PCLO: variants seen among roughly 807,000 people sequenced by gnomAD.
PCLO encodes the protein piccolo presynaptic cytomatrix protein.
PCLO carries 82 observed loss-of-function variants against 427.5 expected under a neutral mutation model. The ratio of observed to expected loss-of-function variants is 0.19; its 90% CI spans 0.16 to 0.23. The LOEUF (loss-of-function observed/expected upper bound fraction) is 0.23. Among genes scored for constraint, PCLO ranks in the 10% least tolerant of loss-of-function variants. The probability of loss-of-function intolerance (pLI) is 1.00; values close to 1 mark genes in which losing one functional copy is unlikely to be tolerated. For synonymous variants in PCLO, 2,357 were observed against 2,155.4 expected (o/e 1.09, Z -2.59); for missense variants, 6,239 against 6,115.9 (o/e 1.02, Z -0.67).
At chr7:82,962,430 T>C (rs1348860457) in intron 4 of PCLO, among the ~76,000 whole-genome samples, 1 of 152,050 alleles carries the variant, frequency 6.6e-6, no homozygotes, top group Non-Finnish European at 1.5e-5. Context: ...GCAAATGTTG[T>C]TGGAAGAAAC....
At chr7:83,068,687 A>G (rs1196284917) in intron 3 of PCLO, among the ~76,000 whole-genome samples, 2 of 152,222 alleles carry the variant, frequency 1.3e-5, no homozygotes, top group Non-Finnish European at 2.9e-5. Context: ...AATGTAAATT[A>G]GTACAGCTAT....
chr7:83,044,400 A>C (rs1789054349), intron 3 of PCLO, among the ~76,000 whole-genome samples: 1 of 152,214 alleles, frequency 6.6e-6, no homozygotes, highest in South Asian at 2.1e-4. Flanking sequence ...CTAATAAACA[A>C]ATCTGAGCAG....
chr7:82,807,868 T>C (rs1412529613), intron 20 of PCLO, among the ~76,000 whole-genome samples: 1 of 152,062 alleles, frequency 6.6e-6, no homozygotes, highest in Non-Finnish European at 1.5e-5. Flanking sequence ...GAATTGCTAG[T>C]AACCCACAGG....
chr7:82,801,657 T>A, intron 21 of PCLO, 66 bp from the exon 22 acceptor site: 1 of 948,994 alleles, frequency 1.1e-6, no homozygotes. Context: ...GAGGCTAAAT[T>A]TGCATAAATA....
chr7:82,870,179 G>A (rs1193140522), intron 10 of PCLO, among the ~76,000 whole-genome samples: 1 of 151,960 alleles, frequency 6.6e-6, no homozygotes, highest in Non-Finnish European at 1.5e-5. Context: ...CACACTGCCT[G>A]GCTTCAAAAT....
At chr7:83,006,492 T>C (rs982713526) in intron 3 of PCLO, among the ~76,000 whole-genome samples, 3 of 151,530 alleles carry the variant, frequency 2.0e-5, no homozygotes, top group African/African-American at 7.2e-5. Flanking sequence ...ACATTTACAG[T>C]TCCTTTCTCA....
intron 8 of PCLO, among the ~76,000 whole-genome samples, chr7:82,906,694 C>T (rs548412620): frequency 5.9e-5 from 9 of 152,056 alleles, no homozygotes; most frequent in African/African-American, 2.2e-4. Flanking sequence ...CAGGGACAGG[C>T]AATGTTCCTT....
chr7:82,978,526 C>T (rs1173076834), intron 3 of PCLO, among the ~76,000 whole-genome samples: 13 of 151,824 alleles, frequency 8.6e-5, no homozygotes, highest in Non-Finnish European at 1.2e-4. Flanking sequence ...GTTCTAAGTG[C>T]TATATATAAT....
chr7:82,970,843 A>C (rs1045589833), intron 3 of PCLO, among the ~76,000 whole-genome samples: 4 of 151,912 alleles, frequency 2.6e-5, no homozygotes, highest in African/African-American at 4.8e-5. Context: ...GAGTAAAAAG[A>C]AATAACAGTA....
chr7:82,768,976 A>C (rs1279034042), intron 22 of PCLO, among the ~76,000 whole-genome samples: 4 of 152,180 alleles, frequency 2.6e-5, no homozygotes, highest in African/African-American at 9.6e-5. Context: ...TACACATGAG[A>C]AAAAAGTGGT....
At chr7:82,841,820 C>T (rs927708867) in intron 13 of PCLO, among the ~76,000 whole-genome samples, 3 of 151,974 alleles carry the variant, frequency 2.0e-5, no homozygotes, top group Non-Finnish European at 4.4e-5. Context: ...AAAGTATCTA[C>T]AGGTTTTAAA....
At chr7:83,015,984 T>A (rs1011372042) in intron 3 of PCLO, among the ~76,000 whole-genome samples, 12 of 151,646 alleles carry the variant, frequency 7.9e-5, no homozygotes, top group Admixed American at 3.3e-4. Flanking sequence ...TCTATTTCCT[T>A]AAAAAAAAAT....
At chr7:82,803,929 T>C (rs940196681) in intron 21 of PCLO, among the ~76,000 whole-genome samples, 3 of 152,126 alleles carry the variant, frequency 2.0e-5, no homozygotes, top group Non-Finnish European at 4.4e-5. Flanking sequence ...AAAATTAGAA[T>C]GTGGTATATA....
At chr7:82,899,356 A>G (rs1489497553) in intron 9 of PCLO, among the ~76,000 whole-genome samples, 1 of 151,500 alleles carries the variant, frequency 6.6e-6, no homozygotes, top group Non-Finnish European at 1.5e-5. Flanking sequence ...TTTCTCTGGC[A>G]CTGGTTTAAA....
chr7:82,841,888 G>C (rs1792376945), intron 13 of PCLO, among the ~76,000 whole-genome samples: 1 of 152,040 alleles, frequency 6.6e-6, no homozygotes, highest in Non-Finnish European at 1.5e-5. Context: ...TTTAATACAA[G>C]AACTGCCGAG....
chr7:82,938,217 G>T (rs1366559721), intron 6 of PCLO, among the ~76,000 whole-genome samples: 1 of 151,858 alleles, frequency 6.6e-6, no homozygotes, highest in Non-Finnish European at 1.5e-5. Context: ...ATTACATTTT[G>T]ACATTTCATT....
At chr7:83,113,792 A>G (rs755410627) in intron 3 of PCLO, among the ~76,000 whole-genome samples, 6 of 152,156 alleles carry the variant, frequency 3.9e-5, no homozygotes, top group African/African-American at 9.6e-5. Context: ...GCTACAAACA[A>G]AAGAAAAAAG....
chr7:83,118,814 T>C (rs1297948579), intron 3 of PCLO, among the ~76,000 whole-genome samples: 1 of 152,132 alleles, frequency 6.6e-6, no homozygotes, highest in Non-Finnish European at 1.5e-5. Context: ...CTACAAGGAC[T>C]GGTGGTGTGC....
chr7:82,860,438 G>A (rs974311710), intron 10 of PCLO, among the ~76,000 whole-genome samples: 7 of 151,932 alleles, frequency 4.6e-5, no homozygotes, highest in Admixed American at 2.0e-4. Flanking sequence ...AATCTTTTAC[G>A]TTAGAATAGT....
Sources: gnomAD v4.1 joint callset for allele counts (sites outside exome capture counted in the v4.1 genomes callset) on GRCh38, gnomAD v4.1.1 for gene constraint, MANE v1.5 for transcripts, NCBI Gene and HGNC (gene_info 2026-07-23, HGNC 2026-07-21) for gene names.